The following CLIC6 variants were observed in gnomAD, a reference collection of about 807,000 sequenced individuals.
CLIC6 encodes CLIC family member 6.
CLIC6 carries 39 observed loss-of-function variants against 49.2 expected under a neutral mutation model. The observed-to-expected ratio is 0.79, with a 90% confidence interval of 0.61 to 1.04. CLIC6 has a LOEUF of 1.04. Ranked by LOEUF, CLIC6 falls within the 50% of genes least tolerant of loss-of-function variation. The pLI is 0.00. For missense variants in CLIC6, 988 were observed against 993.1 expected (o/e 0.99, Z 0.07); for synonymous variants, 446 against 433.4 (o/e 1.03, Z -0.36).
chr21:34,670,063 G>A lies in CLIC6; in HGVS notation c.675G>A (p.Arg225=), dbSNP rs1455127676. Residue 225 remains arginine, a synonymous_variant, in exon 1 of 6, where the codon CGG becomes CGA. Coordinates refer to ENST00000349499, the MANE Select transcript of CLIC6 (RefSeq NM_053277.3). ...GGGACAGCGTAGACGCGGAGGGCCG[G>A]GTGGGGGACAGCGTAGACGCGGAAG... ...PAGDSVDAEG[R]VGDSVDAEGP... 1 of 1,386,644 alleles carries A rather than the reference G, an allele frequency of 7.2e-7. No individual in the cohort carries two copies. The highest frequency in any genetic ancestry group is 9.3e-7 in the Non-Finnish European group (1 of 1,079,226). The allele number at this position is 1,386,644 out of a possible 1,614,324, so 85.9% of individuals were successfully genotyped here.
rs1165317342 is a variant in CLIC6 at position 34,670,141 on chromosome 21, G to A, written c.753G>A (p.Glu251=). Reference sequence around the variant, plus strand: ...AGGGCCGGGTGGGGGACAGCGTAGAGGCGGGGGACCCGGCGGGGGACGGCG... The same window carrying A: ...AGGGCCGGGTGGGGGACAGCGTAGAAGCGGGGGACCCGGCGGGGGACGGCG... ...DAEGRVGDSV[E]AGDPAGDGVE... is the part of the protein sequence containing the mutation. The change falls in exon 1 of 6, where the codon GAG becomes GAA. Residue 251 remains glutamate (E), a synonymous_variant. Transcript: ENST00000349499. The A allele has an allele frequency of 4.4e-6, 6 of 1,375,604 alleles. No individual in the cohort carries two copies. Among genetic ancestry groups the A allele is most frequent in the Non-Finnish European group, 5.6e-6 (6 of 1,072,064 alleles). The allele number at this position is 1,375,604 out of a possible 1,614,324, so 85.2% of individuals were successfully genotyped here.
At chr21:34,712,878 CCCTAA>C (rs2056065867) in intron 5 of CLIC6, among the ~76,000 whole-genome samples, 1 of 152,112 alleles carries the variant, frequency 6.6e-6, no homozygotes, top group African/African-American at 2.4e-5. Flanking sequence ...CTAACCCTAA[CCCTAA>C]CCCTAACCGT....
chr21:34,717,908 A>C lies in CLIC6; in HGVS notation c.*1426A>C, dbSNP rs1240448817. On this transcript the variant is annotated 3_prime_UTR_variant, in exon 6 of 6. Coordinates refer to ENST00000349499, the MANE Select transcript of CLIC6 (RefSeq NM_053277.3). ...GTGAAAAATGTCTAGCAAAAGAAAC[A>C]AAGTCTTTAATAGAGTGGCCTCTTT... 6.6e-6 allele frequency: 1 copy of C among 152,256 alleles called. No individual in the cohort carries two copies. The highest frequency in any genetic ancestry group is 2.4e-5 in the African/African-American group (1 of 41,464). 9.4% of individuals were successfully genotyped at this position (152,256 alleles called of 1,614,324 possible).
chr21:34,686,226 A>G (rs1046430787), intron 1 of CLIC6, among the ~76,000 whole-genome samples: 14 of 152,120 alleles, frequency 9.2e-5, no homozygotes, highest in Non-Finnish European at 1.9e-4. Flanking sequence ...ACATGGTGAA[A>G]CCCTGTCTCT....
chr21:34,699,659 C>G (rs187463446), intron 1 of CLIC6, among the ~76,000 whole-genome samples: 1 of 152,260 alleles, frequency 6.6e-6, no homozygotes, highest in East Asian at 1.9e-4. Flanking sequence ...TAGTTTGTTC[C>G]TCCTGCATCT....
Position 34,670,425 on chromosome 21 carries a change from C to G in CLIC6, c.1037C>G (p.Ala346Gly). 6.9e-7 allele frequency: 1 copy of G among 1,459,826 alleles called. No homozygotes were observed. Among genetic ancestry groups the G allele is most frequent in the South Asian group, 1.4e-5 (1 of 69,570 alleles). 90.4% of individuals were successfully genotyped at this position (1,459,826 alleles called of 1,614,324 possible). A position where few individuals can be genotyped will look rare whatever the true frequency, so the allele number is the denominator to read the frequency against. Residue 346 changes from alanine (A) to glycine (G), a missense_variant, in exon 1 of 6, where the codon GCC becomes GGC. Coordinates refer to ENST00000349499, the MANE Select transcript of CLIC6 (RefSeq NM_053277.3). ...VPGVKGSEEA[A>G]PGDARADAGE... is the part of the protein sequence containing the mutation. ...GGGGTAAAGGGGTCCGAAGAAGCGG[C>G]CCCCGGGGACGCAAGGGCAGACGCT...
chr21:34,669,553 C>T lies in CLIC6; in HGVS notation c.165C>T (p.Ala55=). ...EGAEEAPRGA[A]AVKEAGGGGP... ...CAGAGGAGGCGCCGAGGGGCGCCGC[C>T]GCTGTGAAGGAGGCAGGAGGCGGCG... The change falls in exon 1 of 6, where the codon GCC becomes GCT. Residue 55 remains alanine, a synonymous_variant. Transcript: ENST00000349499. 1 of 1,245,410 alleles carries T rather than the reference C, an allele frequency of 8.0e-7. No homozygotes were observed. The highest frequency in any genetic ancestry group is 3.7e-5 in the South Asian group (1 of 27,334). The allele number at this position is 1,245,410 out of a possible 1,614,324, so 77.1% of individuals were successfully genotyped here.
chr21:34,688,807 C>G lies in CLIC6; in HGVS notation c.1374+18045C>G, dbSNP rs144031016. 4.6e-5 allele frequency among the ~76,000 whole-genome samples: 7 copies of G among 152,278 alleles called. No homozygotes were observed. In the East Asian group the frequency reaches 1.4e-3, roughly 29 times the overall value. Reference sequence around the variant, plus strand: ...GACTTGACTTGTTTCTAAGGGGAAACAGAAATTCCAGAATTTGAGCTGAAG... The same window carrying G: ...GACTTGACTTGTTTCTAAGGGGAAAGAGAAATTCCAGAATTTGAGCTGAAG... On this transcript the variant is annotated intron_variant, in intron 1 of 5. Transcript: ENST00000349499.
Position 34,707,400 on chromosome 21 carries a change from G to A in CLIC6, c.1484+11G>A. The A allele has an allele frequency of 1.3e-6, 2 of 1,529,080 alleles. No individual in the cohort carries two copies. The highest frequency in any genetic ancestry group is 1.8e-6 in the Non-Finnish European group (2 of 1,103,778). The allele number at this position is 1,529,080 out of a possible 1,614,324, so 94.7% of individuals were successfully genotyped here. A position where few individuals can be genotyped will look rare whatever the true frequency, so the allele number is the denominator to read the frequency against. On this transcript the variant is annotated intron_variant, in intron 2 of 5. Transcript: ENST00000349499. ...AGTGGACCTGAAAAGGTAAGACAAG[G>A]CGTCTGCCTTACTGAAATAACTGTA...
chr21:34,669,246 C>T lies in CLIC6; in HGVS notation c.-143C>T. 1.5e-6 allele frequency: 1 copy of T among 657,320 alleles called. No homozygotes were observed. The highest frequency in any genetic ancestry group is 2.2e-6 in the Non-Finnish European group (1 of 464,116). 40.7% of individuals were successfully genotyped at this position (657,320 alleles called of 1,614,324 possible). ...GGTCCTGCGCAAGGCCCCAGTGCCC[C>T]GGCTAAACCTTTGCCGCAGGATCCC... is the stretch of plus-strand genomic sequence containing the variant. On this transcript the variant is annotated 5_prime_UTR_variant, in exon 1 of 6. Transcript: ENST00000349499.
intron 1 of CLIC6, among the ~76,000 whole-genome samples, chr21:34,671,015 C>T (rs1601255741): frequency 6.6e-6 from 1 of 150,778 alleles, no homozygotes; most frequent in Admixed American, 6.6e-5. Flanking sequence ...GCGATGGGGG[C>T]CAATGAGGAT....
chr21:34,690,606 A>T (rs1407988840), intron 1 of CLIC6, among the ~76,000 whole-genome samples: 1 of 152,088 alleles, frequency 6.6e-6, no homozygotes, highest in African/African-American at 2.4e-5. Context: ...GAAGTGACTC[A>T]TTACCCTGAC....
intron 2 of CLIC6, 101 bp downstream of exon 2, chr21:34,707,490 A>G: frequency 5.5e-6 from 4 of 723,934 alleles, no homozygotes; most frequent in Non-Finnish European, 9.2e-6. Flanking sequence ...ACGGTGCTGC[A>G]TGGGCACGTC....
intron 1 of CLIC6, among the ~76,000 whole-genome samples, chr21:34,695,649 A>G (rs1447325361): frequency 6.6e-6 from 1 of 152,246 alleles, no homozygotes; most frequent in Admixed American, 6.5e-5. Context: ...GACCCTAACC[A>G]GTGTCTTCTC....
chr21:34,699,064 T>C (rs1990140714), intron 1 of CLIC6, among the ~76,000 whole-genome samples: 1 of 152,212 alleles, frequency 6.6e-6, no homozygotes, highest in South Asian at 2.1e-4. Flanking sequence ...TTGAAGTCTA[T>C]TTGCATCTTT....
intron 1 of CLIC6, among the ~76,000 whole-genome samples, chr21:34,697,920 C>T (rs1990115753): frequency 6.6e-6 from 1 of 151,762 alleles, no homozygotes; most frequent in African/African-American, 2.4e-5. Context: ...CAGGGTTTTG[C>T]TGTCTTTATA....
chr21:34,689,510 T>C (rs927176398), intron 1 of CLIC6, among the ~76,000 whole-genome samples: 1 of 152,206 alleles, frequency 6.6e-6, no homozygotes, highest in African/African-American at 2.4e-5. Context: ...TATTATTATG[T>C]CTTGCTCATT....
rs57155188 is a variant in CLIC6, at chr21:34,696,178, A to AC, written c.1375-11094dup. 3.1e-3 allele frequency among the ~76,000 whole-genome samples: 460 copies of AC among 149,560 alleles called. 2 individuals are homozygous for AC. The highest frequency in any genetic ancestry group is 3.7e-3 in the East Asian group (19 of 5,110). ...ACAGAATATGCACACATGACTAGAG[A>AC]CCCCCCCCATCCCTGGCCTACCTGG... On this transcript the variant is annotated intron_variant, in intron 1 of 5. Coordinates refer to ENST00000349499, the MANE Select transcript of CLIC6 (RefSeq NM_053277.3).
In CLIC6 at chr21:34,669,755, G is replaced by C; in HGVS notation, c.367G>C (p.Gly123Arg). The change falls in exon 1 of 6, where the codon GGG becomes CGG. Residue 123 changes from glycine to arginine, a missense_variant. Gly to Arg is a moderately radical substitution (Grantham distance 125). Around this residue, in one of 3 missense-constraint regions of CLIC6, gnomAD observed 284 missense variants for 278.6 expected, o/e 1.02. Transcript: ENST00000349499. ...ACGCGGCGCGCAGGGCGAGCCCCGCGGGGAGGCTCAGAGGGAGCCCGAGGA... is the reference window on the plus strand; with the variant it reads ...ACGCGGCGCGCAGGGCGAGCCCCGCCGGGAGGCTCAGAGGGAGCCCGAGGA... ...PGRGAQGEPR[G>R]EAQREPEDSA... The C allele has an allele frequency of 7.1e-7, 1 of 1,400,070 alleles. No homozygotes were observed. Among genetic ancestry groups the C allele is most frequent in the Non-Finnish European group, 9.2e-7 (1 of 1,087,722 alleles). The allele number at this position is 1,400,070 out of a possible 1,614,324, so 86.7% of individuals were successfully genotyped here.
Sources: allele counts gnomAD v4.1 joint callset (sites outside exome capture counted in the v4.1 genomes callset), GRCh38; gene constraint gnomAD v4.1.1; regional missense constraint gnomAD v4.1.1; transcripts MANE v1.5; gene names NCBI Gene and HGNC (gene_info 2026-07-23, HGNC 2026-07-21).